Variants in FNIP1 observed in about 807,000 individuals in gnomAD.
FNIP1 encodes the protein folliculin-interacting protein 1.
FNIP1 carries 40 observed loss-of-function variants against 124.5 expected under a neutral mutation model. That is an observed-to-expected ratio of 0.32 (90% CI 0.25 to 0.42). FNIP1 has a LOEUF of 0.42. Among genes scored for constraint, FNIP1 ranks in the 10% least tolerant of loss-of-function variants. FNIP1 has a pLI of 1.00. For synonymous variants in FNIP1, 472 were observed against 470.6 expected (o/e 1.00, Z -0.04); for missense variants, 1,176 against 1,403.7 (o/e 0.84, Z 2.59).
chr5:131,642,534 C>T lies in FNIP1; in HGVS notation c.*2151G>A, dbSNP rs1766746068. 1 of 151,638 alleles carries T rather than the reference C, an allele frequency of 6.6e-6. No homozygotes were observed. The allele number at this position is 151,638 out of a possible 1,614,324, so 9.4% of individuals were successfully genotyped here. On this transcript the variant is annotated 3_prime_UTR_variant, in exon 18 of 18. Transcript: ENST00000510461. ...ACAGTTTGATGGTTAAGGAGACACC[C>T]AGACATTATCCAAGTGCTATACAGA...
chr5:131,653,973 C>T (rs754376953), intron 15 of FNIP1, among the ~76,000 whole-genome samples: 1 of 152,228 alleles, frequency 6.6e-6, no homozygotes, highest in Non-Finnish European at 1.5e-5. Context: ...AACTCCTGAC[C>T]TCGCAATCCA....
rs1766812822 is a variant in FNIP1, at chr5:131,644,583, TG to T, written c.*101del. ...TACCCTGGTGACTGACTCATTCAGATGGAAGTCTAAAAGGGAAAAAGAATCT... is the reference window on the plus strand; with the variant it reads ...TACCCTGGTGACTGACTCATTCAGATGAAGTCTAAAAGGGAAAAAGAATCT... On this transcript the variant is annotated 3_prime_UTR_variant, in exon 18 of 18. Transcript: ENST00000510461. 14 of 958,066 alleles carry T rather than the reference TG, an allele frequency of 1.5e-5. No individual in the cohort carries two copies. In the South Asian group the frequency reaches 1.9e-4, roughly 13 times the overall value. The allele number at this position is 958,066 out of a possible 1,614,324, so 59.3% of individuals were successfully genotyped here. A position where few individuals can be genotyped will look rare whatever the true frequency, so the allele number is the denominator to read the frequency against.
intron 15 of FNIP1, among the ~76,000 whole-genome samples, chr5:131,663,159 T>C (rs905476545): frequency 3.9e-5 from 6 of 152,228 alleles, no homozygotes; most frequent in African/African-American, 1.4e-4. Context: ...AGGTTACCTC[T>C]AGTAAAAGGA....
intron 15 of FNIP1, among the ~76,000 whole-genome samples, chr5:131,668,280 A>C (rs1442516712): frequency 6.6e-6 from 1 of 152,268 alleles, no homozygotes; most frequent in South Asian, 2.1e-4. Context: ...AATTCCATAA[A>C]TATTTGTAAA....
intron 5 of FNIP1, among the ~76,000 whole-genome samples, chr5:131,717,644 T>A (rs969175142): frequency 1.3e-4 from 20 of 152,194 alleles, no homozygotes; most frequent in African/African-American, 4.6e-4. Flanking sequence ...TCACTTCTTT[T>A]AGTGTCTCTT....
intron 15 of FNIP1, among the ~76,000 whole-genome samples, chr5:131,652,431 T>A (rs1767066538): frequency 6.6e-6 from 1 of 152,192 alleles, no homozygotes; most frequent in Non-Finnish European, 1.5e-5. Flanking sequence ...CTCAGCTCAC[T>A]GCAACCTCCG....
At chr5:131,663,980 A>C (rs1305592487) in intron 15 of FNIP1, among the ~76,000 whole-genome samples, 2 of 151,988 alleles carry the variant, frequency 1.3e-5, no homozygotes, top group African/African-American at 4.9e-5. Flanking sequence ...GAGGGTTTTA[A>C]CAATTGTCTT....
At chr5:131,760,270 A>G (rs1771183241) in intron 1 of FNIP1, among the ~76,000 whole-genome samples, 1 of 152,198 alleles carries the variant, frequency 6.6e-6, no homozygotes. Flanking sequence ...CAGGGTGTTA[A>G]TTTTTAAAAA....
chr5:131,687,615 C>T lies in FNIP1; in HGVS notation c.1203-8440G>A, dbSNP rs115301137. Among the ~76,000 whole-genome samples, 918 of 152,158 alleles carry T rather than the reference C, an allele frequency of 6.0e-3. 7 individuals are homozygous for T. Among genetic ancestry groups the T allele is most frequent in the Non-Finnish European group, 7.8e-3 (532 of 68,006 alleles). On this transcript the variant is annotated intron_variant, in intron 11 of 17. Transcript: ENST00000510461. ...TTTTCTTAGTTACATCACCAAACTGCGGACAGAGGGAAAACCATCACTCTG... is the reference window on the plus strand; with the variant it reads ...TTTTCTTAGTTACATCACCAAACTGTGGACAGAGGGAAAACCATCACTCTG...
In FNIP1 at chr5:131,740,549, A is replaced by G. The variant is rs536884075; in HGVS notation, c.219+4015T>C. Among the ~76,000 whole-genome samples, 4 of 152,344 alleles carry G rather than the reference A, an allele frequency of 2.6e-5. No individual in the cohort carries two copies. In the South Asian group the frequency reaches 8.3e-4, roughly 32 times the overall value. On this transcript the variant is annotated intron_variant, in intron 2 of 17. Coordinates refer to ENST00000510461, the MANE Select transcript of FNIP1 (RefSeq NM_133372.3). Reference sequence around the variant, plus strand: ...AATAGCATTGCACTGTTGTTGACATAAAAACAATGTCTAGGATAAGGATAA... The same window carrying G: ...AATAGCATTGCACTGTTGTTGACATGAAAACAATGTCTAGGATAAGGATAA...
At chr5:131,718,730 C>T (rs1769553595) in intron 5 of FNIP1, among the ~76,000 whole-genome samples, 1 of 152,192 alleles carries the variant, frequency 6.6e-6, no homozygotes, top group Admixed American at 6.5e-5. Context: ...GAAAAATCAG[C>T]ATGTTGCCCT....
intron 3 of FNIP1, among the ~76,000 whole-genome samples, chr5:131,726,060 G>T (rs941011366): frequency 6.6e-6 from 1 of 152,150 alleles, no homozygotes; most frequent in Non-Finnish European, 1.5e-5. Flanking sequence ...GATCGTGGTG[G>T]ATAGGCTTTT....
At chr5:131,795,159 TGA>T (rs1158236708) in intron 1 of FNIP1, among the ~76,000 whole-genome samples, 1 of 152,202 alleles carries the variant, frequency 6.6e-6, no homozygotes, top group African/African-American at 2.4e-5. Context: ...ATTTTTAAAG[TGA>T]GAGATTCCAT....
At chr5:131,724,550 T>C (rs947250330) in intron 3 of FNIP1, among the ~76,000 whole-genome samples, 3 of 152,210 alleles carry the variant, frequency 2.0e-5, no homozygotes, top group African/African-American at 7.2e-5. Context: ...TACTTTTTGA[T>C]GGGGTTGTTT....
At chr5:131,648,331 C>T (rs1454024326) in intron 16 of FNIP1, among the ~76,000 whole-genome samples, 1 of 149,260 alleles carries the variant, frequency 6.7e-6, no homozygotes, top group Non-Finnish European at 1.5e-5. Context: ...AAACCTGAAA[C>T]ACATACATTT....
intron 8 of FNIP1, among the ~76,000 whole-genome samples, chr5:131,706,862 T>A (rs1382976584): frequency 1.3e-5 from 2 of 152,316 alleles, no homozygotes; most frequent in Non-Finnish European, 2.9e-5. Flanking sequence ...CTAACTCAGT[T>A]GAATCCTTTT....
intron 5 of FNIP1, among the ~76,000 whole-genome samples, chr5:131,717,167 G>T (rs1769496402): frequency 6.7e-6 from 1 of 149,954 alleles, no homozygotes; most frequent in Non-Finnish European, 1.5e-5. Context: ...GCCCCAGTGT[G>T]TGATGTCCCC....
chr5:131,749,818 G>A (rs1407384836), intron 1 of FNIP1, among the ~76,000 whole-genome samples: 1 of 151,796 alleles, frequency 6.6e-6, no homozygotes, highest in African/African-American at 2.4e-5. Context: ...CGCTGTACAG[G>A]TTTGTACCCC....
intron 13 of FNIP1, among the ~76,000 whole-genome samples, chr5:131,675,849 C>T (rs1767893364): frequency 6.6e-6 from 1 of 151,940 alleles, no homozygotes; most frequent in Non-Finnish European, 1.5e-5. Flanking sequence ...GGCATATATG[C>T]GAAACTTATC....
Sources: allele counts gnomAD v4.1 joint callset (sites outside exome capture counted in the v4.1 genomes callset), GRCh38; gene constraint gnomAD v4.1.1; transcripts MANE v1.5; gene names NCBI Gene and HGNC (gene_info 2026-07-23, HGNC 2026-07-21).